KCND2: variants seen among roughly 807,000 people sequenced by gnomAD.
KCND2 encodes the protein A-type voltage-gated potassium channel KCND2.
KCND2 carries 16 observed loss-of-function variants against 54.4 expected under a neutral mutation model. The ratio of observed to expected loss-of-function variants is 0.29; its 90% CI spans 0.20 to 0.45. The LOEUF is 0.45. Among genes scored for constraint, KCND2 ranks in the 20% least tolerant of loss-of-function variants. The pLI, the probability that KCND2 is intolerant of heterozygous loss-of-function variation, is 1.00. For synonymous variants in KCND2, 317 were observed against 310.7 expected (o/e 1.02, Z -0.21); for missense variants, 486 against 824.2 (o/e 0.59, Z 5.02).
chr7:120,474,431 G>A (rs777996913), intron 1 of KCND2, among the ~76,000 whole-genome samples: 52 of 152,112 alleles, frequency 3.4e-4, no homozygotes, highest in Non-Finnish European at 5.7e-4. Context: ...TCCGCCTCCC[G>A]GGTTCAAGCA....
chr7:120,564,445 G>A (rs1792272922), intron 1 of KCND2, among the ~76,000 whole-genome samples: 1 of 152,094 alleles, frequency 6.6e-6, no homozygotes. Context: ...ATAGATTAGA[G>A]CTGTTTGAAT....
intron 1 of KCND2, among the ~76,000 whole-genome samples, chr7:120,617,453 A>G (rs1413312675): frequency 6.6e-6 from 1 of 152,176 alleles, no homozygotes; most frequent in African/African-American, 2.4e-5. Flanking sequence ...TCTATTTCAC[A>G]CCAGTCAGAA....
chr7:120,739,992 C>A (rs187306268), intron 2 of KCND2, among the ~76,000 whole-genome samples: 117 of 151,926 alleles, frequency 7.7e-4, no homozygotes, highest in South Asian at 8.3e-4. Context: ...TTTGTTTATA[C>A]CGTGGTATAT....
chr7:120,653,043 G>T (rs1791757548), intron 1 of KCND2, among the ~76,000 whole-genome samples: 1 of 151,876 alleles, frequency 6.6e-6, no homozygotes, highest in Admixed American at 6.6e-5. Flanking sequence ...GTGTGTGTGT[G>T]TAAGATCAGG....
At chr7:120,381,438 T>C (rs1168997429) in intron 1 of KCND2, among the ~76,000 whole-genome samples, 2 of 152,134 alleles carry the variant, frequency 1.3e-5, no homozygotes, top group Admixed American at 1.3e-4. Flanking sequence ...TCAAGTTTTA[T>C]TGGTAATAAT....
chr7:120,736,321 A>G (rs570180104), intron 2 of KCND2, among the ~76,000 whole-genome samples: 41 of 152,148 alleles, frequency 2.7e-4, no homozygotes, highest in Admixed American at 8.5e-4. Flanking sequence ...CCCCATTTCT[A>G]TCAATCATTG....
At chr7:120,555,132 A>G (rs990231895) in intron 1 of KCND2, among the ~76,000 whole-genome samples, 1 of 152,180 alleles carries the variant, frequency 6.6e-6, no homozygotes, top group African/African-American at 2.4e-5. Context: ...CACAGGGACA[A>G]GAGTGCCTCA....
chr7:120,281,450 G>T (rs1340663445), intron 1 of KCND2, among the ~76,000 whole-genome samples: 2 of 150,884 alleles, frequency 1.3e-5, no homozygotes, highest in East Asian at 3.9e-4. Context: ...AAACCCCAGG[G>T]TGAAACACCA....
At chr7:120,347,042 T>C (rs1023477582) in intron 1 of KCND2, among the ~76,000 whole-genome samples, 1 of 146,796 alleles carries the variant, frequency 6.8e-6, no homozygotes, top group Admixed American at 6.8e-5. Context: ...CTCATGGCTC[T>C]TTTTTTTTTG....
chr7:120,431,126 T>C (rs118039589), intron 1 of KCND2, among the ~76,000 whole-genome samples: 1 of 152,192 alleles, frequency 6.6e-6, no homozygotes, highest in Non-Finnish European at 1.5e-5. Flanking sequence ...TTGATCTTCC[T>C]GAAGATGATT....
At chr7:120,681,552 A>G (rs775653771) in intron 1 of KCND2, among the ~76,000 whole-genome samples, 3 of 151,058 alleles carry the variant, frequency 2.0e-5, no homozygotes, top group Non-Finnish European at 4.4e-5. Context: ...CTCTCTCCAT[A>G]TATATATATA....
intron 1 of KCND2, among the ~76,000 whole-genome samples, chr7:120,346,673 C>G (rs777284604): frequency 2.7e-5 from 4 of 150,396 alleles, no homozygotes; most frequent in Non-Finnish European, 5.9e-5. Context: ...TCTCTCCTCT[C>G]TCTCTCTCTC....
intron 1 of KCND2, among the ~76,000 whole-genome samples, chr7:120,429,970 T>TA (rs1483406586): frequency 6.6e-6 from 1 of 152,184 alleles, no homozygotes; most frequent in African/African-American, 2.4e-5. Flanking sequence ...CATGCATGGA[T>TA]AAAAAATCCA....
intron 1 of KCND2, among the ~76,000 whole-genome samples, chr7:120,353,590 C>T (rs1418485027): frequency 2.0e-5 from 3 of 151,892 alleles, no homozygotes; most frequent in Admixed American, 2.0e-4. Flanking sequence ...GAAATGTGAC[C>T]AAGAATCGGT....
At chr7:120,589,816 T>C (rs1792647650) in intron 1 of KCND2, among the ~76,000 whole-genome samples, 1 of 152,136 alleles carries the variant, frequency 6.6e-6, no homozygotes, top group Non-Finnish European at 1.5e-5. Context: ...TTTATTCCTA[T>C]GGAAAATGGG....
chr7:120,625,080 C>G (rs1317575536), intron 1 of KCND2, among the ~76,000 whole-genome samples: 1 of 152,138 alleles, frequency 6.6e-6, no homozygotes, highest in African/African-American at 2.4e-5. Flanking sequence ...TAGAATGAGA[C>G]TTGGCCCATA....
chr7:120,498,280 G>A (rs1802878901), intron 1 of KCND2, among the ~76,000 whole-genome samples: 1 of 152,112 alleles, frequency 6.6e-6, no homozygotes, highest in South Asian at 2.1e-4. Context: ...AAGAGATCGG[G>A]ACCATCCTGG....
chr7:120,649,879 T>A (rs1791704493), intron 1 of KCND2, among the ~76,000 whole-genome samples: 1 of 152,198 alleles, frequency 6.6e-6, no homozygotes, highest in Non-Finnish European at 1.5e-5. Context: ...TTAATAAGCT[T>A]AGTTTGGCTG....
chr7:120,693,909 C>T (rs561339924), intron 1 of KCND2, among the ~76,000 whole-genome samples: 36 of 152,204 alleles, frequency 2.4e-4, no homozygotes, highest in Middle Eastern at 3.4e-3. Flanking sequence ...TAGAAGGATG[C>T]GTGCGGTGGT....
Sources: gnomAD v4.1 joint callset for allele counts (sites outside exome capture counted in the v4.1 genomes callset) on GRCh38, gnomAD v4.1.1 for gene constraint, MANE v1.5 for transcripts, NCBI Gene and HGNC (gene_info 2026-07-23, HGNC 2026-07-21) for gene names.